Variants in SAMMSON observed in about 807,000 individuals in gnomAD.
SAMMSON encodes the protein survival associated mitochondrial melanoma specific oncogenic non-coding RNA.
chr3:70,327,495 C>A (rs932186113), intron 7 of SAMMSON, among the ~76,000 whole-genome samples: 1 of 152,112 alleles, frequency 6.6e-6, no homozygotes, highest in Non-Finnish European at 1.5e-5. Context: ...GACGCTAAGG[C>A]AGGTAGAATT....
At chr3:70,280,666 A>G (rs943585105) in intron 6 of SAMMSON, among the ~76,000 whole-genome samples, 1 of 152,130 alleles carries the variant, frequency 6.6e-6, no homozygotes, top group South Asian at 2.1e-4. Flanking sequence ...GGCTGGCCAT[A>G]GAAACTAGAA....
At position 70,343,806 on chromosome 3, in the gene SAMMSON, A is replaced by G. The variant is rs181620682; in HGVS notation, n.740-10369A>G. ...AATAAATTACTTGGAATTGTTCTGT[A>G]CATAGGATTTGTTCTTTCTCCTCCA... On this transcript the variant is annotated intron_variant and non_coding_transcript_variant, in intron 7 of 9. Transcript: ENST00000642114. 2.0e-5 allele frequency among the ~76,000 whole-genome samples: 3 copies of G among 151,914 alleles called. No individual in the cohort carries two copies. In the East Asian group the frequency reaches 5.8e-4, roughly 29 times the overall value.
intron 4 of SAMMSON, among the ~76,000 whole-genome samples, chr3:70,116,983 G>A (rs1298213882): frequency 6.6e-6 from 1 of 152,146 alleles, no homozygotes; most frequent in Non-Finnish European, 1.5e-5. Flanking sequence ...ATCATTAAGA[G>A]TTTTGAAGAA....
chr3:70,309,682 GA>G (rs530680064), intron 7 of SAMMSON, among the ~76,000 whole-genome samples: 1 of 151,488 alleles, frequency 6.6e-6, no homozygotes, highest in Admixed American at 6.6e-5. Flanking sequence ...TCTTAACATT[GA>G]AAAAAAAGAC....
At chr3:70,141,716 G>T (rs2067528579) in intron 4 of SAMMSON, among the ~76,000 whole-genome samples, 1 of 152,080 alleles carries the variant, frequency 6.6e-6, no homozygotes, top group Non-Finnish European at 1.5e-5. Flanking sequence ...TGGCAACCTT[G>T]TGTAGGATTG....
chr3:70,061,470 C>A (rs575233931), intron 3 of SAMMSON, among the ~76,000 whole-genome samples: 2 of 152,240 alleles, frequency 1.3e-5, no homozygotes, highest in African/African-American at 4.8e-5. Context: ...AAAAACCCAT[C>A]TTTTCTGCTT....
chr3:70,090,183 C>T (rs1163798042), intron 4 of SAMMSON, among the ~76,000 whole-genome samples: 1 of 152,156 alleles, frequency 6.6e-6, no homozygotes, highest in African/African-American at 2.4e-5. Context: ...AAAGTCCAAT[C>T]TTCCTAATAG....
At chr3:70,012,715 C>G (rs1410632823) in intron 2 of SAMMSON, 1 of 152,252 alleles carries the variant, frequency 6.6e-6, no homozygotes, top group South Asian at 2.1e-4. Flanking sequence ...GGGTCTTTGA[C>G]ATGACCCAGT....
intron 4 of SAMMSON, among the ~76,000 whole-genome samples, chr3:70,158,421 A>G (rs1235802200): frequency 1.3e-5 from 2 of 152,038 alleles, no homozygotes; most frequent in African/African-American, 2.4e-5. Flanking sequence ...ATTCTGTTGT[A>G]TGGTTATACC....
At chr3:70,184,742 G>T (rs1303086469) in intron 4 of SAMMSON, among the ~76,000 whole-genome samples, 1 of 152,154 alleles carries the variant, frequency 6.6e-6, no homozygotes, top group Non-Finnish European at 1.5e-5. Context: ...GCCCTTGCTA[G>T]ACTAACCACA....
At chr3:70,350,420 T>A (rs1702785698) in intron 7 of SAMMSON, among the ~76,000 whole-genome samples, 1 of 152,140 alleles carries the variant, frequency 6.6e-6, no homozygotes, top group Non-Finnish European at 1.5e-5. Context: ...CTTTTTAAAG[T>A]ATAGTATTGG....
chr3:70,111,448 C>T (rs1331302492), intron 4 of SAMMSON, among the ~76,000 whole-genome samples: 1 of 152,114 alleles, frequency 6.6e-6, no homozygotes. Context: ...CAGGACAGAT[C>T]ACCTATCAGA....
chr3:70,289,331 C>T (rs1702203436), intron 6 of SAMMSON, among the ~76,000 whole-genome samples: 1 of 151,130 alleles, frequency 6.6e-6, no homozygotes, highest in South Asian at 2.1e-4. Context: ...CTTAGTTTGG[C>T]TGGATATGAA....
At chr3:70,289,307 C>T (rs1345604108) in intron 6 of SAMMSON, among the ~76,000 whole-genome samples, 3 of 151,344 alleles carry the variant, frequency 2.0e-5, no homozygotes, top group South Asian at 2.1e-4. Context: ...TTTATTTCTC[C>T]TTTGCTTATG....
At chr3:70,211,082 G>A (rs560960744) in intron 4 of SAMMSON, among the ~76,000 whole-genome samples, 16 of 151,976 alleles carry the variant, frequency 1.1e-4, no homozygotes, top group Non-Finnish European at 2.1e-4. Flanking sequence ...TCTCTCATTT[G>A]ACTCTTCATA....
intron 6 of SAMMSON, among the ~76,000 whole-genome samples, chr3:70,251,651 A>T (rs1057205543): frequency 3.3e-5 from 5 of 152,178 alleles, no homozygotes; most frequent in Non-Finnish European, 7.3e-5. Flanking sequence ...CTGCTTTTGC[A>T]TTGAGAATAT....
At chr3:70,278,950 T>C (rs1361965552) in intron 6 of SAMMSON, among the ~76,000 whole-genome samples, 1 of 151,690 alleles carries the variant, frequency 6.6e-6, no homozygotes, top group African/African-American at 2.4e-5. Flanking sequence ...CTCCTCTTCA[T>C]AGTGGTCTGG....
intron 4 of SAMMSON, among the ~76,000 whole-genome samples, chr3:70,117,084 G>T (rs920010374): frequency 6.6e-6 from 1 of 152,162 alleles, no homozygotes; most frequent in Admixed American, 6.5e-5. Context: ...TGAACTGAAT[G>T]TCAGGAATAA....
chr3:70,125,897 T>C (rs1459194157), intron 4 of SAMMSON: 2 of 694,814 alleles, frequency 2.9e-6, no homozygotes, highest in Admixed American at 4.1e-5. Flanking sequence ...AATTCTTCAC[T>C]AGATAATTCC....
Sources: gnomAD v4.1 joint callset for allele counts (sites outside exome capture counted in the v4.1 genomes callset) on GRCh38, gnomAD v4.1.1 for gene constraint, MANE v1.5 for transcripts, NCBI Gene and HGNC (gene_info 2026-07-23, HGNC 2026-07-21) for gene names.